The following IFT43 variants were observed in gnomAD, a reference collection of about 807,000 sequenced individuals.
IFT43 encodes intraflagellar transport 43.
Under a neutral mutation model 32.3 loss-of-function variants are expected in IFT43, and 33 were observed. The observed-to-expected ratio is 1.02, with a 90% CI of 0.77 to 1.37. IFT43 has a LOEUF of 1.37. IFT43 is among the 40% of genes most tolerant of loss of function. IFT43 has a pLI of 0.00. For synonymous variants in IFT43, 93 were observed against 98.2 expected (o/e 0.95, Z 0.31); for missense variants, 274 against 265.9 (o/e 1.03, Z -0.21).
intron 5 of IFT43, among the ~76,000 whole-genome samples, chr14:76,068,804 G>A (rs73314949): frequency 0.18 from 27,249 of 152,064 alleles, 2,617 homozygotes; most frequent in African/African-American, 0.24. Flanking sequence ...TTATTTGTTC[G>A]TTCATTTACA....
intron 2 of IFT43, among the ~76,000 whole-genome samples, chr14:76,001,423 A>T (rs1278860033): frequency 6.6e-6 from 1 of 152,166 alleles, no homozygotes; most frequent in Admixed American, 6.5e-5. Flanking sequence ...TCCCCTCGCT[A>T]TCTAGAATTC....
chr14:76,039,753 A>G (rs2036671094), intron 3 of IFT43, among the ~76,000 whole-genome samples: 1 of 152,174 alleles, frequency 6.6e-6, no homozygotes, highest in African/African-American at 2.4e-5. Context: ...TGACTTTCTC[A>G]GGCACCCAGT....
At chr14:76,012,369 G>C (rs1158522179) in intron 2 of IFT43, among the ~76,000 whole-genome samples, 1 of 152,150 alleles carries the variant, frequency 6.6e-6, no homozygotes. Flanking sequence ...CTCTGACATG[G>C]TAATTCCAGT....
chr14:76,006,058 G>T (rs533453667), intron 2 of IFT43, among the ~76,000 whole-genome samples: 41 of 152,176 alleles, frequency 2.7e-4, no homozygotes, highest in African/African-American at 9.4e-4. Context: ...TAGTGACAGG[G>T]ACGTTCTGAT....
rs759923771 is a variant in IFT43, at chr14:75,985,848, C to A, written c.54+8C>A. 6.2e-7 allele frequency: 1 copy of A among 1,614,028 alleles called. No individual in the cohort carries two copies. The highest frequency in any genetic ancestry group is 2.2e-5 in the East Asian group (1 of 44,868). On this transcript the variant is annotated splice_region_variant and intron_variant, in intron 1 of 8. Transcript: ENST00000314067. ...TACAGCTTGGCTACCTCCGTGAGGACCAATTCGGGGGCCTTGGGGGCCAGG... is the reference window on the plus strand; with the variant it reads ...TACAGCTTGGCTACCTCCGTGAGGAACAATTCGGGGGCCTTGGGGGCCAGG...
chr14:76,053,720 T>A (rs1228190687), intron 3 of IFT43, among the ~76,000 whole-genome samples: 2 of 152,242 alleles, frequency 1.3e-5, no homozygotes, highest in Admixed American at 1.3e-4. Context: ...CAGTGAGTGA[T>A]GGAGTAGCTC....
At chr14:75,999,246 T>TA (rs2035812173) in intron 2 of IFT43, among the ~76,000 whole-genome samples, 2 of 10,376 alleles carry the variant, frequency 1.9e-4, no homozygotes, top group Non-Finnish European at 4.0e-4. Context: ...TATATATATA[T>TA]ATATATATAT....
At position 76,076,675 on chromosome 14, in the gene IFT43, T is replaced by C. The variant is rs2037418886; in HGVS notation, c.296-5620T>C. 1 of 1,614,060 alleles carries C rather than the reference T, an allele frequency of 6.2e-7. No homozygotes were observed. Among genetic ancestry groups the C allele is most frequent in the African/African-American group, 1.3e-5 (1 of 74,926 alleles). ...CGCATCACAGAGATTTGGGGCTGGC[T>C]TCATTGGAAGAGGCAGGTAGGCTTT... On this transcript the variant is annotated intron_variant, in intron 5 of 8. Coordinates refer to ENST00000314067, the MANE Select transcript of IFT43 (RefSeq NM_001102564.3).
At chr14:76,081,197 G>A (rs2037504701) in intron 5 of IFT43, among the ~76,000 whole-genome samples, 1 of 152,234 alleles carries the variant, frequency 6.6e-6, no homozygotes, top group African/African-American at 2.4e-5. Context: ...GCCTGAAAGT[G>A]GCAAGGGCCT....
intron 3 of IFT43, among the ~76,000 whole-genome samples, chr14:76,022,965 G>A (rs985168117): frequency 6.6e-6 from 1 of 152,138 alleles, no homozygotes; most frequent in African/African-American, 2.4e-5. Flanking sequence ...CTGCCTAGTT[G>A]GTATCTTGTG....
intron 4 of IFT43, 49 bp from the exon 5 acceptor site, chr14:76,059,266 ATGTTCCTTTCCG>A: frequency 1.2e-6 from 2 of 1,613,226 alleles, no homozygotes; most frequent in Non-Finnish European, 1.7e-6. Context: ...AACATTTGGG[ATGTTCCTTTCCG>A]TGTTTGAAAC....
chr14:76,041,371 A>G (rs1379202007), intron 3 of IFT43, among the ~76,000 whole-genome samples: 2 of 152,208 alleles, frequency 1.3e-5, no homozygotes, highest in Non-Finnish European at 2.9e-5. Flanking sequence ...ACAGCCACCT[A>G]TGGAATATTC....
intron 1 of IFT43, chr14:75,986,396 A>G: frequency 1.5e-6 from 1 of 682,730 alleles, no homozygotes; most frequent in Non-Finnish European, 2.0e-6. Flanking sequence ...GGGAGTGATT[A>G]GGTGCTCAGG....
intron 5 of IFT43, among the ~76,000 whole-genome samples, chr14:76,070,327 T>C (rs1054155867): frequency 1.3e-5 from 2 of 152,202 alleles, no homozygotes; most frequent in African/African-American, 4.8e-5. Context: ...AGCATATCCT[T>C]CATCCCTTCT....
rs1594871178 is a variant in IFT43, at chr14:76,082,441, G to C, written c.368+74G>C. ...TACACTCCAGATATCATCTATAGTG[G>C]ACCTTGATGTCAATCTGGATCTTTC... On this transcript the variant is annotated intron_variant, in intron 6 of 8. Coordinates refer to ENST00000314067, the MANE Select transcript of IFT43 (RefSeq NM_001102564.3). The C allele has an allele frequency of 2.5e-5, 12 of 475,194 alleles. No homozygotes were observed. In the East Asian group the frequency reaches 8.1e-4, roughly 32 times the overall value. 29.4% of individuals were successfully genotyped at this position (475,194 alleles called of 1,614,324 possible). A position where few individuals can be genotyped will look rare whatever the true frequency, so the allele number is the denominator to read the frequency against.
chr14:76,035,072 G>T (rs374114502), intron 3 of IFT43, among the ~76,000 whole-genome samples: 1 of 152,154 alleles, frequency 6.6e-6, no homozygotes, highest in African/African-American at 2.4e-5. Flanking sequence ...GCCCCTCAGG[G>T]ACTTTCAGGA....
At chr14:75,999,254 TATATATATATATATATA>T (rs2035820628) in intron 2 of IFT43, among the ~76,000 whole-genome samples, 11 of 10,004 alleles carry the variant, frequency 1.1e-3, no homozygotes, top group African/African-American at 4.3e-3. Flanking sequence ...TATATATATA[TATATATATATATATATA>T]TGTATATATA....
chr14:76,061,543 G>T (rs1430447171), intron 5 of IFT43, among the ~76,000 whole-genome samples: 1 of 152,110 alleles, frequency 6.6e-6, no homozygotes, highest in African/African-American at 2.4e-5. Flanking sequence ...CTTCAACTTG[G>T]ATCGTTTGTA....
chr14:76,033,556 CTG>C (rs2036546939), intron 3 of IFT43, among the ~76,000 whole-genome samples: 1 of 151,994 alleles, frequency 6.6e-6, no homozygotes, highest in Non-Finnish European at 1.5e-5. Context: ...GACAGACTGA[CTG>C]TTGAGATTGT....
Sources: gnomAD v4.1 joint callset for allele counts (sites outside exome capture counted in the v4.1 genomes callset) on GRCh38, gnomAD v4.1.1 for gene constraint, MANE v1.5 for transcripts, NCBI Gene and HGNC (gene_info 2026-07-23, HGNC 2026-07-21) for gene names.